Variants in IP6K3 observed in about 807,000 individuals in gnomAD.
IP6K3 encodes the protein inositol hexakisphosphate kinase 3.
In IP6K3, 20 loss-of-function variants were observed where a neutral mutation model predicts 28.8. The ratio of observed to expected loss-of-function variants is 0.70; its 90% confidence interval spans 0.49 to 1.01. The LOEUF (loss-of-function observed/expected upper bound fraction) is 1.01. Ranked by LOEUF, IP6K3 falls within the 50% of genes least tolerant of loss-of-function variation. The pLI is 0.00. For synonymous variants in IP6K3, 213 were observed against 221.3 expected (o/e 0.96, Z 0.33); for missense variants, 480 against 537.1 (o/e 0.89, Z 1.05).
the IP6K3 span, among the ~76,000 whole-genome samples, chr6:33,752,846 T>C: frequency 6.6e-6 from 1 of 152,270 alleles, no homozygotes; most frequent in East Asian, 1.9e-4. Flanking sequence ...TAATTTTCTT[T>C]GGACTGTTGT....
At position 33,731,111 on chromosome 6, in the gene IP6K3, T is replaced by C. The variant is rs117992073; in HGVS notation, c.200-2811A>G. Among the ~76,000 whole-genome samples the C allele has an allele frequency of 1.1e-4, 17 of 152,316 alleles. No homozygotes were observed. The East Asian group carries it at 3.1e-3, about 28-fold the overall frequency. ...CCAATGACTGTCCCAAGCCCATCTT[T>C]CCAGGTGCGAGAAGGGGAGAGAGCC... On this transcript the variant is annotated intron_variant, in intron 2 of 5. Transcript: ENST00000293756.
chr6:33,731,746 C>T (rs1766329522), intron 2 of IP6K3, among the ~76,000 whole-genome samples: 1 of 152,130 alleles, frequency 6.6e-6, no homozygotes, highest in Non-Finnish European at 1.5e-5. Context: ...CCAGGCTTCT[C>T]GGTGCTTGAC....
At chr6:33,749,160 A>G (rs957396147), upstream of IP6K3, among the ~76,000 whole-genome samples, 5 of 152,104 alleles carry the variant, frequency 3.3e-5, no homozygotes, top group Non-Finnish European at 7.4e-5. Flanking sequence ...TTCCCACTTG[A>G]GCAAGATGGC....
the IP6K3 span, among the ~76,000 whole-genome samples, chr6:33,757,932 CA>C: frequency 6.6e-6 from 1 of 152,156 alleles, no homozygotes; most frequent in Non-Finnish European, 1.5e-5. Context: ...ACATCCGAGG[CA>C]GGGGGGATCA....
intron 5 of IP6K3, among the ~76,000 whole-genome samples, chr6:33,723,444 C>A (rs140764911): frequency 3.9e-5 from 6 of 152,196 alleles, no homozygotes; most frequent in African/African-American, 1.4e-4. Flanking sequence ...GGTGACCCTC[C>A]ACCCACGAGG....
At position 33,722,908 on chromosome 6, in the gene IP6K3, G is replaced by T; in HGVS notation, c.1045C>A (p.Pro349Thr). ...APGSPHPHEA[P>T]QAAHGSSPGG... The stretch of plus-strand genomic sequence containing the variant: ...GGAGAGCTACCGTGGGCTGCCTGGG[G>T]AGCCTCGTGAGGATGCGGGCTGCCT... The change falls in exon 6 of 6, where the codon CCC becomes ACC. Residue 349 changes from proline (P) to threonine (T), a missense_variant. Physicochemically the swap from Pro to Thr is conservative, Grantham distance 38. Transcript: ENST00000293756. The T allele has an allele frequency of 6.2e-7, 1 of 1,614,078 alleles. No individual in the cohort carries two copies. The highest frequency in any genetic ancestry group is 8.5e-7 in the Non-Finnish European group (1 of 1,180,006).
At chr6:33,736,728 G>C (rs1766540499) in intron 1 of IP6K3, among the ~76,000 whole-genome samples, 1 of 152,130 alleles carries the variant, frequency 6.6e-6, no homozygotes. Flanking sequence ...TTTTTGTACA[G>C]CATGGGTGTG....
chr6:33,736,626 G>A (rs187620351), intron 1 of IP6K3, among the ~76,000 whole-genome samples: 3 of 151,952 alleles, frequency 2.0e-5, no homozygotes, highest in Non-Finnish European at 2.9e-5. Context: ...GGCTGGTCTC[G>A]AACTCCTGAC....
the IP6K3 span, among the ~76,000 whole-genome samples, chr6:33,760,684 T>C: frequency 2.6e-5 from 4 of 152,132 alleles, no homozygotes; most frequent in Non-Finnish European, 5.9e-5. Context: ...CCCACCACAA[T>C]GCCCGGCTAA....
At chr6:33,758,506 A>C in the IP6K3 span, among the ~76,000 whole-genome samples, 1 of 152,224 alleles carries the variant, frequency 6.6e-6, no homozygotes, top group Non-Finnish European at 1.5e-5. Flanking sequence ...AGCCTGGGTG[A>C]GACCCTGTCT....
intron 2 of IP6K3, among the ~76,000 whole-genome samples, chr6:33,731,257 CCCCTGGCCCTGCCACACGTGA>C (rs1345878282): frequency 2.6e-5 from 4 of 152,170 alleles, no homozygotes; most frequent in Non-Finnish European, 4.4e-5. Context: ...CTCCAGCACT[CCCCTGGCCCTGCCACACGTGA>C]CCCTGGCCCT....
the IP6K3 span, among the ~76,000 whole-genome samples, chr6:33,761,457 A>C: frequency 6.6e-6 from 1 of 152,096 alleles, no homozygotes; most frequent in Non-Finnish European, 1.5e-5. Context: ...CTGACTCCAC[A>C]GCTGTGAGAC....
chr6:33,728,430 C>G (rs1234793163), intron 2 of IP6K3, 130 bp from the exon 3 acceptor site: 1 of 808,712 alleles, frequency 1.2e-6, no homozygotes, highest in Non-Finnish European at 2.0e-6. Context: ...CCCAGCTCCT[C>G]TCTCAAGGAA....
At position 33,746,635 on chromosome 6, in the gene IP6K3, T is replaced by C. The variant is rs78748610; in HGVS notation, c.-180+123A>G. ...CCGTGGGGCAGACTCCTGGCCAGCC[T>C]GGAATGGAGACAAGACCCCAGGGTA... On this transcript the variant is annotated intron_variant, in intron 1 of 5. Transcript: ENST00000293756. The surrounding 1 kb of genome is among the most constrained non-coding windows in gnomAD (Gnocchi z 6.5). The C allele has an allele frequency of 0.11, 16,432 of 149,854 alleles. 1,155 individuals are homozygous for C. Among genetic ancestry groups the C allele is most frequent in the African/African-American group, 0.2 (8,009 of 40,426 alleles). 9.3% of individuals were successfully genotyped at this position (149,854 alleles called of 1,614,324 possible).
intron 2 of IP6K3, among the ~76,000 whole-genome samples, chr6:33,730,549 C>T (rs1561903241): frequency 6.6e-6 from 1 of 152,230 alleles, no homozygotes; most frequent in Non-Finnish European, 1.5e-5. Flanking sequence ...GCCAAGCCCA[C>T]TGTCGCTGTC....
In IP6K3 at chr6:33,722,800, A is replaced by T; in HGVS notation, c.1153T>A (p.Tyr385Asn). Residue 385 changes from tyrosine to asparagine, a missense_variant, in exon 6 of 6, where the codon TAC becomes AAC. By Grantham distance (143) the Tyr-to-Asn change is moderately radical. Coordinates refer to ENST00000293756, the MANE Select transcript of IP6K3 (RefSeq NM_054111.5). ...ATATAGCCAGGGTCTGGTCCATCGTAGGTGGTGTGCTCATTCCAGTAGCCC... is the reference window on the plus strand; with the variant it reads ...ATATAGCCAGGGTCTGGTCCATCGTTGGTGGTGTGCTCATTCCAGTAGCCC... ...YKGYWNEHTT[Y>N]DGPDPGYIFG... 1 of 1,614,104 alleles carries T rather than the reference A, an allele frequency of 6.2e-7. No individual in the cohort carries two copies. Among genetic ancestry groups the T allele is most frequent in the South Asian group, 1.1e-5 (1 of 91,072 alleles).
At position 33,726,949 on chromosome 6, in the gene IP6K3, G is replaced by GGGAAGGGCGCCGCTGCCTGT. The variant is rs754437142; in HGVS notation, c.414-63_414-44dup. ...ACAGGACGGTCAGAGCAGAGGTCTG[G>GGGAAGGGCGCCGCTGCCTGT]GGAAGGGCGCCGCTGCCTGTGGCTG... On this transcript the variant is annotated intron_variant, in intron 3 of 5. Coordinates refer to ENST00000293756, the MANE Select transcript of IP6K3 (RefSeq NM_054111.5). The GGGAAGGGCGCCGCTGCCTGT allele has an allele frequency of 1.1e-5, 17 of 1,522,278 alleles. No homozygotes were observed. In the Admixed American group the frequency reaches 1.3e-4, roughly 12 times the overall value. 94.3% of individuals were successfully genotyped at this position (1,522,278 alleles called of 1,614,324 possible).
At chr6:33,761,055 G>A in the IP6K3 span, among the ~76,000 whole-genome samples, 1 of 152,032 alleles carries the variant, frequency 6.6e-6, no homozygotes, top group African/African-American at 2.4e-5. Context: ...TTTAACGGTG[G>A]GATTTCAGGC....
upstream of IP6K3, among the ~76,000 whole-genome samples, chr6:33,751,520 T>TGTGTGTGTGTGTGTGTG (rs1561914794): frequency 1.0e-5 from 1 of 98,348 alleles, no homozygotes; most frequent in Admixed American, 1.1e-4. The surrounding 1 kb of genome is among the most constrained non-coding windows in gnomAD (Gnocchi z 4.3). Flanking sequence ...GTGTGTGTGT[T>TGTGTGTGTGTGTGTGTG]TGGCCCCGGG....
Sources: allele counts gnomAD v4.1 joint callset (sites outside exome capture counted in the v4.1 genomes callset), GRCh38; gene constraint gnomAD v4.1.1; non-coding constraint Gnocchi (gnomAD v3.1); transcripts MANE v1.5; gene names NCBI Gene and HGNC (gene_info 2026-07-23, HGNC 2026-07-21).